The following FAM167A variants were observed in gnomAD, a reference collection of about 807,000 sequenced individuals.
FAM167A encodes protein FAM167A.
In FAM167A, 23 loss-of-function variants were observed where a neutral mutation model predicts 14.9. That is an observed-to-expected ratio of 1.55 (90% CI 1.11 to 2.19). FAM167A has a LOEUF of 2.19. Among genes scored for constraint, FAM167A ranks in the 30% most tolerant of loss-of-function variants. The probability of loss-of-function intolerance (pLI) is 0.00; values close to 1 mark genes in which losing one functional copy is unlikely to be tolerated. For synonymous variants in FAM167A, 174 were observed against 117.7 expected (o/e 1.48, Z -3.10); for missense variants, 401 against 281.5 (o/e 1.42, Z -3.04).
chr8:11,455,184 G>T (rs1403629403), intron 1 of FAM167A, among the ~76,000 whole-genome samples: 1 of 144,678 alleles, frequency 6.9e-6, no homozygotes, highest in Non-Finnish European at 1.5e-5. Context: ...CTTGCTGAGT[G>T]TGGGTGGTGG....
intron 2 of FAM167A, among the ~76,000 whole-genome samples, chr8:11,441,204 A>G (rs1432012900): frequency 6.6e-6 from 1 of 152,126 alleles, no homozygotes; most frequent in Non-Finnish European, 1.5e-5. Context: ...AAGGAGCCCC[A>G]AGCCACATGG....
chr8:11,421,579 C>G lies in FAM167A; in HGVS notation c.*2794G>C, dbSNP rs184286437. ...ATAAAAAATAAAAGTATAAATCGTC[C>G]ATTGATTATGTAATAGCACTTGGTA... On this transcript the variant is annotated 3_prime_UTR_variant, in exon 3 of 3. Transcript: ENST00000284486. 4.8e-5 allele frequency: 19 copies of G among 397,646 alleles called. No individual in the cohort carries two copies. Among genetic ancestry groups the G allele is most frequent in the African/African-American group, 1.6e-4 (8 of 48,682 alleles). The allele number at this position is 397,646 out of a possible 1,614,324, so 24.6% of individuals were successfully genotyped here. A position where few individuals can be genotyped will look rare whatever the true frequency, so the allele number is the denominator to read the frequency against.
Position 11,447,251 on chromosome 8 carries a change from G to A in FAM167A, c.-397-2443C>T, listed in dbSNP as rs898979521. Among the ~76,000 whole-genome samples, 5 of 149,114 alleles carry A rather than the reference G, an allele frequency of 3.4e-5. No individual in the cohort carries two copies. The East Asian group carries it at 9.9e-4, about 30-fold the overall frequency. ...GGCTGGAGTGCAATGGCGTGATCTT[G>A]GCTCACTGCCACCTCCACCTCTTGG... On this transcript the variant is annotated intron_variant, in intron 1 of 2. Transcript: ENST00000284486.
intron 2 of FAM167A, among the ~76,000 whole-genome samples, chr8:11,437,085 G>C (rs1366821234): frequency 2.0e-5 from 3 of 152,206 alleles, no homozygotes; most frequent in African/African-American, 4.8e-5. Flanking sequence ...TCGGGTACCT[G>C]TCTTCTTGGG....
upstream of FAM167A, among the ~76,000 whole-genome samples, chr8:11,467,114 TCACC>T (rs1807804775): frequency 6.6e-6 from 1 of 152,182 alleles, no homozygotes; most frequent in Non-Finnish European, 1.5e-5. Flanking sequence ...GCCCAGGGCC[TCACC>T]CACCCCCAAA....
chr8:11,439,215 G>A (rs984407837), intron 2 of FAM167A, among the ~76,000 whole-genome samples: 27 of 152,250 alleles, frequency 1.8e-4, no homozygotes, highest in African/African-American at 6.0e-4. Context: ...TGTAAGATGG[G>A]AATAGCAAAT....
intron 1 of FAM167A, among the ~76,000 whole-genome samples, chr8:11,454,921 T>G (rs1807169215): frequency 6.6e-6 from 1 of 151,922 alleles, no homozygotes; most frequent in Non-Finnish European, 1.5e-5. Flanking sequence ...GCCCTAGTGG[T>G]CCCCTCCTCC....
Position 11,451,611 on chromosome 8 carries a change from C to T in FAM167A, c.-397-6803G>A, listed in dbSNP as rs142346315. ...AGCCTTCTCTGCAACCAGAGGACCA[C>T]GTGCTCCTCTTCCCAGCTCATGCCC... On this transcript the variant is annotated intron_variant, in intron 1 of 2. Coordinates refer to ENST00000284486, the MANE Select transcript of FAM167A (RefSeq NM_053279.3). Among the ~76,000 whole-genome samples the T allele has an allele frequency of 1.9e-3, 285 of 152,356 alleles. 1 individual carries two copies. Among genetic ancestry groups the T allele is most frequent in the African/African-American group, 6.4e-3 (265 of 41,580 alleles).
chr8:11,453,242 C>T (rs796515461), intron 1 of FAM167A, among the ~76,000 whole-genome samples: 9 of 152,344 alleles, frequency 5.9e-5, no homozygotes, highest in African/African-American at 1.7e-4. Flanking sequence ...GGTACAATCA[C>T]AGCTCACTGC....
In FAM167A at chr8:11,424,499, C is replaced by T; in HGVS notation, c.519G>A (p.Glu173=). The change falls in exon 3 of 3, where the codon GAG becomes GAA. Residue 173 remains glutamate, a synonymous_variant. Coordinates refer to ENST00000284486, the MANE Select transcript of FAM167A (RefSeq NM_053279.3). ...AGAAGAGGTCGGCCAGCTCATCCCGCTCCTCCAGCTCGTAGGTGGCATCGT... is the reference window on the plus strand; with the variant it reads ...AGAAGAGGTCGGCCAGCTCATCCCGTTCCTCCAGCTCGTAGGTGGCATCGT... ...MLNDATYELE[E]RDELADLFCD... 6.2e-7 allele frequency: 1 copy of T among 1,614,132 alleles called. No homozygotes were observed. The highest frequency in any genetic ancestry group is 8.5e-7 in the Non-Finnish European group (1 of 1,179,966).
intron 2 of FAM167A, among the ~76,000 whole-genome samples, chr8:11,425,741 AAC>A (rs1317105564): frequency 3.3e-5 from 5 of 152,162 alleles, no homozygotes; most frequent in Non-Finnish European, 7.3e-5. Flanking sequence ...AGACTGACAA[AAC>A]AGACTCTTTG....
At chr8:11,435,042 AATCT>A (rs747702208) in intron 2 of FAM167A, 13 of 456,674 alleles carry the variant, frequency 2.8e-5, no homozygotes, top group South Asian at 1.7e-4. Flanking sequence ...CCCCTCACTC[AATCT>A]GTCTCCACTC....
chr8:11,470,809 G>T (rs1432862805), upstream of FAM167A, among the ~76,000 whole-genome samples: 1 of 152,072 alleles, frequency 6.6e-6, no homozygotes, highest in Non-Finnish European at 1.5e-5. Context: ...GTTTTCCTGT[G>T]AAGGGACTTG....
Position 11,438,420 on chromosome 8 carries a change from TTTTA to T in FAM167A, c.381+5607_381+5610del, listed in dbSNP as rs368468649. On this transcript the variant is annotated intron_variant, in intron 2 of 2. Transcript: ENST00000284486. The stretch of plus-strand genomic sequence containing the variant: ...AATGTTGGGAGATTGAAGGCCTTAC[TTTTA>T]TTTTATTCTAGGAGATTCTATGCTA... 158 of 453,126 alleles carry T rather than the reference TTTTA, an allele frequency of 3.5e-4. No individual in the cohort carries two copies. The East Asian group carries it at 0.01, about 29-fold the overall frequency. 28.1% of individuals were successfully genotyped at this position (453,126 alleles called of 1,614,324 possible).
chr8:11,438,191 C>G (rs754890844), intron 2 of FAM167A: 1 of 452,888 alleles, frequency 2.2e-6, no homozygotes. Flanking sequence ...GCCCCGGAAT[C>G]GCCATGAGCT....
At chr8:11,471,085 C>T (rs1563397991), upstream of FAM167A, among the ~76,000 whole-genome samples, 1 of 152,208 alleles carries the variant, frequency 6.6e-6, no homozygotes, top group South Asian at 2.1e-4. Flanking sequence ...AGAGCAGTCA[C>T]CACACAGAGC....
intron 1 of FAM167A, among the ~76,000 whole-genome samples, chr8:11,448,989 T>C (rs920792033): frequency 6.6e-5 from 10 of 152,310 alleles, no homozygotes; most frequent in African/African-American, 1.7e-4. Context: ...GTGTGTGCAA[T>C]GTGGAGAGGC....
At chr8:11,440,155 G>A (rs1231313223) in intron 2 of FAM167A, among the ~76,000 whole-genome samples, 1 of 152,220 alleles carries the variant, frequency 6.6e-6, no homozygotes, top group African/African-American at 2.4e-5. Flanking sequence ...CTGAGCCAGT[G>A]TCCCAGGAGC....
chr8:11,459,188 T>C (rs893809190), intron 1 of FAM167A, among the ~76,000 whole-genome samples: 42 of 152,200 alleles, frequency 2.8e-4, no homozygotes, highest in African/African-American at 1.0e-3. Flanking sequence ...ATATCTAGTT[T>C]AGCCCTTGAA....
Sources: gnomAD v4.1 joint callset for allele counts (sites outside exome capture counted in the v4.1 genomes callset) on GRCh38, gnomAD v4.1.1 for gene constraint, MANE v1.5 for transcripts, NCBI Gene and HGNC (gene_info 2026-07-23, HGNC 2026-07-21) for gene names.